The following FGFRL1 variants were observed in gnomAD, a reference collection of about 807,000 sequenced individuals.
The protein encoded by FGFRL1 is fibroblast growth factor receptor-like 1.
In FGFRL1, 24 loss-of-function variants were observed where a neutral mutation model predicts 36.8. That is an observed-to-expected ratio of 0.65 (90% CI 0.47 to 0.92). FGFRL1 has a LOEUF of 0.92. Ranked by LOEUF, FGFRL1 falls within the 40% of genes least tolerant of loss-of-function variation. The probability of loss-of-function intolerance (pLI) is 0.00; values close to 1 mark genes in which losing one functional copy is unlikely to be tolerated. For missense variants in FGFRL1, 785 were observed against 753.4 expected (o/e 1.04, Z -0.49); for synonymous variants, 422 against 344.1 (o/e 1.23, Z -2.50).
chr4:1,016,938 G>A (rs1388206120), intron 2 of FGFRL1, among the ~76,000 whole-genome samples: 3 of 152,142 alleles, frequency 2.0e-5, no homozygotes, highest in Non-Finnish European at 4.4e-5. Context: ...GGTGCCCCTG[G>A]GGGCCTGGCA....
chr4:1,025,057 G>A lies in FGFRL1; in HGVS notation c.1225G>A (p.Ala409Thr), dbSNP rs373506035. 2.9e-5 allele frequency: 47 copies of A among 1,609,522 alleles called. No homozygotes were observed. The highest frequency in any genetic ancestry group is 5.3e-5 in the African/African-American group (4 of 74,818). Residue 409 changes from alanine to threonine, a missense_variant, in exon 7 of 7, where the codon GCG becomes ACG. Physicochemically the swap from Ala to Thr is moderately conservative, Grantham distance 58. Transcript: ENST00000510644. ...CQAQKKPCTP[A>T]PAPPLPGHRP... ...GGCCCAGAAGAAGCCGTGCACCCCC[G>A]CGCCTGCCCCTCCCCTGCCTGGGCA...
rs755416353 is a variant in FGFRL1 at position 1,025,250 on chromosome 4, A to C, written c.1418A>C (p.Lys473Thr). Residue 473 changes from lysine to threonine, a missense_variant, in exon 7 of 7, where the codon AAA becomes ACA. By Grantham distance (78) the Lys-to-Thr change is moderately conservative. Transcript: ENST00000510644. ...GPVAGPKLYP[K>T]LYTDIHTHTH... is the part of the protein sequence containing the mutation. ...GTTGCTGGCCCTAAGTTGTACCCCAAACTCTACACAGACATCCACACACAC... is the reference window on the plus strand; with the variant it reads ...GTTGCTGGCCCTAAGTTGTACCCCACACTCTACACAGACATCCACACACAC... 8 of 1,607,014 alleles carry C rather than the reference A, an allele frequency of 5.0e-6. No homozygotes were observed. In the South Asian group the frequency reaches 5.5e-5, roughly 11 times the overall value.
chr4:1,025,399 G>A lies in FGFRL1; in HGVS notation c.*52G>A, dbSNP rs1209994752. 8.9e-5 allele frequency: 134 copies of A among 1,503,778 alleles called. No individual in the cohort carries two copies. Among genetic ancestry groups the A allele is most frequent in the Non-Finnish European group, 1.2e-4 (129 of 1,118,908 alleles). The allele number at this position is 1,503,778 out of a possible 1,614,324, so 93.2% of individuals were successfully genotyped here. On this transcript the variant is annotated 3_prime_UTR_variant, in exon 7 of 7. Transcript: ENST00000510644. ...GGGGGGCCGGCCAGACAGGCAGACT[G>A]GGAGGATGGAGGACGGAGCTGCAGA...
intron 2 of FGFRL1, 105 bp downstream of exon 2, chr4:1,012,669 CCCGCCCCTG>C (rs1176779700): frequency 3.9e-5 from 18 of 457,100 alleles, no homozygotes; most frequent in African/African-American, 3.5e-4. Context: ...CGCGCCATGC[CCCGCCCCTG>C]CCGCCCCGCT....
intron 2 of FGFRL1, among the ~76,000 whole-genome samples, chr4:1,012,771 G>C (rs1038920610): frequency 5.9e-5 from 9 of 152,252 alleles, no homozygotes; most frequent in Non-Finnish European, 1.3e-4. Context: ...TGGCTGGAGG[G>C]GTTCCCCTCA....
chr4:1,018,954 C>T (rs938020749), intron 2 of FGFRL1, among the ~76,000 whole-genome samples: 6 of 152,158 alleles, frequency 3.9e-5, no homozygotes, highest in East Asian at 1.9e-4. Context: ...AAGCCTGGCT[C>T]CTCTGGCCCA....
chr4:1,013,112 G>C (rs1715693411), intron 2 of FGFRL1, among the ~76,000 whole-genome samples: 1 of 152,230 alleles, frequency 6.6e-6, no homozygotes, highest in African/African-American at 2.4e-5. Flanking sequence ...GGGCGGTTGT[G>C]TGGACAAGTC....
rs551738489 is a variant in FGFRL1 at position 1,021,665 on chromosome 4, C to G, written c.80-538C>G. On this transcript the variant is annotated intron_variant, in intron 2 of 6. Coordinates refer to ENST00000510644, the MANE Select transcript of FGFRL1 (RefSeq NM_001004356.3). The stretch of plus-strand genomic sequence containing the variant: ...TGTGGATAGCTGTGGGGTCGCTGGC[C>G]CATGCCCAGGCCCGGCTGGGCCCTG... Among the ~76,000 whole-genome samples, 6 of 152,264 alleles carry G rather than the reference C, an allele frequency of 3.9e-5. No homozygotes were observed. The South Asian group carries it at 1.0e-3, about 26-fold the overall frequency.
At chr4:1,018,032 C>T (rs1715984476) in intron 2 of FGFRL1, among the ~76,000 whole-genome samples, 1 of 152,204 alleles carries the variant, frequency 6.6e-6, no homozygotes, top group Non-Finnish European at 1.5e-5. Context: ...ATTGGAGCCC[C>T]CGAGGAGCTA....
At chr4:1,013,854 C>T (rs1014028674) in intron 2 of FGFRL1, among the ~76,000 whole-genome samples, 3 of 152,290 alleles carry the variant, frequency 2.0e-5, no homozygotes, top group African/African-American at 7.2e-5. Context: ...CCCCAGCGGC[C>T]ACCCCCTTCG....
intron 2 of FGFRL1, among the ~76,000 whole-genome samples, chr4:1,017,769 C>G (rs1168344083): frequency 6.6e-6 from 1 of 152,186 alleles, no homozygotes; most frequent in Non-Finnish European, 1.5e-5. Flanking sequence ...TCTGGGGAAG[C>G]ACCCCCTCCT....
In FGFRL1 at chr4:1,011,918, C is replaced by G. The variant is rs908226689; in HGVS notation, c.-53C>G. 1.4e-5 allele frequency: 2 copies of G among 145,760 alleles called. No homozygotes were observed. Among genetic ancestry groups the G allele is most frequent in the Admixed American group, 1.4e-4 (2 of 14,708 alleles). The allele number at this position is 145,760 out of a possible 1,614,324, so 9.0% of individuals were successfully genotyped here. On this transcript the variant is annotated 5_prime_UTR_variant, in exon 1 of 7. Coordinates refer to ENST00000510644, the MANE Select transcript of FGFRL1 (RefSeq NM_001004356.3). The stretch of plus-strand genomic sequence containing the variant: ...CGGAGCGCACGCCGCGGGCCCGGCC[C>G]TGACCCCGCCGCCCGCCCGCTGAGC...
Position 1,023,803 on chromosome 4 carries a change from AC to A in FGFRL1, c.434-10del. On this transcript the variant is annotated splice_polypyrimidine_tract_variant and intron_variant, in intron 4 of 6. Transcript: ENST00000510644. This position sits in a 1 kb window ranked among gnomAD's most constrained non-coding sequence, Gnocchi z 6.0. ...ATCCCCGTCCTCTGACCTCCACGCC[AC>A]CCCACCCCGCAGCACGACCGCGCTT... is the stretch of plus-strand genomic sequence containing the variant. The A allele has an allele frequency of 1.9e-6, 3 of 1,569,680 alleles. No homozygotes were observed. Among genetic ancestry groups the A allele is most frequent in the Non-Finnish European group, 1.7e-6 (2 of 1,157,272 alleles).
In FGFRL1 at chr4:1,023,849, A is replaced by C. The variant is rs1716336878; in HGVS notation, c.466A>C (p.Arg156=). 1.3e-6 allele frequency: 2 copies of C among 1,579,182 alleles called. No individual in the cohort carries two copies. Among genetic ancestry groups the C allele is most frequent in the African/African-American group, 2.7e-5 (2 of 74,010 alleles). Residue 156 remains arginine (R), a synonymous_variant, in exon 5 of 7, where the codon AGG becomes CGG. Coordinates refer to ENST00000510644, the MANE Select transcript of FGFRL1 (RefSeq NM_001004356.3). This position sits in a 1 kb window ranked among gnomAD's most constrained non-coding sequence, Gnocchi z 6.0. ...GCGCTTCACACAGCCCTCCAAGATG[A>C]GGCGCCGGGTGATCGCACGGCCCGT... ...RPRFTQPSKM[R]RRVIARPVGS...
At chr4:1,024,775 G>C in intron 6 of FGFRL1, 111 bp downstream of exon 6, 1 of 1,405,536 alleles carries the variant, frequency 7.1e-7, no homozygotes. Flanking sequence ...GGCCGTGCTG[G>C]CCAGGTCATC....
At position 1,026,746 on chromosome 4, in the gene FGFRL1, A is replaced by T; in HGVS notation, c.*1399A>T. ...CCGGGACCCGCCTGGTCTTTCAGCC[A>T]TGCTGATGACCACACCCCGTCCAGG... On this transcript the variant is annotated 3_prime_UTR_variant, in exon 7 of 7. Coordinates refer to ENST00000510644, the MANE Select transcript of FGFRL1 (RefSeq NM_001004356.3). 1 of 427,404 alleles carries T rather than the reference A, an allele frequency of 2.3e-6. No homozygotes were observed. The highest frequency in any genetic ancestry group is 4.7e-6 in the Non-Finnish European group (1 of 211,776). 26.5% of individuals were successfully genotyped at this position (427,404 alleles called of 1,614,324 possible).
chr4:1,025,341 G>A lies in FGFRL1; in HGVS notation c.1509G>A (p.Gln503=), dbSNP rs1560566656. Residue 503 remains glutamine, a synonymous_variant, in exon 7 of 7, where the codon CAG becomes CAA. Transcript: ENST00000510644. ...AGGTCCACCAGCACATCCACTATCA[G>A]TGCTAGACGGCACCGTATCTGCAGT... ...EGKVHQHIHY[Q]C is the part of the protein sequence containing the mutation. 1 of 1,546,690 alleles carries A rather than the reference G, an allele frequency of 6.5e-7. No individual in the cohort carries two copies. The highest frequency in any genetic ancestry group is 2.0e-5 in the Admixed American group (1 of 51,134).
Position 1,025,493 on chromosome 4 carries a change from C to G in FGFRL1, c.*146C>G. 1.1e-6 allele frequency: 1 copy of G among 918,662 alleles called. No individual in the cohort carries two copies. Among genetic ancestry groups the G allele is most frequent in the South Asian group, 1.7e-5 (1 of 57,448 alleles). 56.9% of individuals were successfully genotyped at this position (918,662 alleles called of 1,614,324 possible). A position where few individuals can be genotyped will look rare whatever the true frequency, so the allele number is the denominator to read the frequency against. On this transcript the variant is annotated 3_prime_UTR_variant, in exon 7 of 7. Transcript: ENST00000510644. ...AGGCAGTCTGTGTGTGAGGCATAGC[C>G]CCTGGACACACACACACAGACACAC... is the stretch of plus-strand genomic sequence containing the variant.
chr4:1,017,814 G>A (rs551788261), intron 2 of FGFRL1, among the ~76,000 whole-genome samples: 1 of 152,270 alleles, frequency 6.6e-6, no homozygotes, highest in South Asian at 2.1e-4. Context: ...ATGGGGAGGA[G>A]CCACCTGGCC....
Sources: allele counts gnomAD v4.1 joint callset (sites outside exome capture counted in the v4.1 genomes callset), GRCh38; gene constraint gnomAD v4.1.1; non-coding constraint Gnocchi (gnomAD v3.1); transcripts MANE v1.5; gene names NCBI Gene and HGNC (gene_info 2026-07-23, HGNC 2026-07-21).